SYNC: variants seen among roughly 807,000 people sequenced by gnomAD.
SYNC encodes syncoilin.
In SYNC, 38 loss-of-function variants were observed where a neutral mutation model predicts 49.5. The ratio of observed to expected loss-of-function variants is 0.77; its 90% CI spans 0.59 to 1.01. SYNC has a LOEUF of 1.01. Ranked by LOEUF, SYNC falls within the 50% of genes least tolerant of loss-of-function variation. The probability of loss-of-function intolerance (pLI) is 0.00; values close to 1 mark genes in which losing one functional copy is unlikely to be tolerated. For missense variants in SYNC, 579 were observed against 580.6 expected, an observed-to-expected ratio of 1.00 and a Z score of 0.03; for synonymous variants, 201 against 230.8, an observed-to-expected ratio of 0.87 and a Z score of 1.17.
chr1:32,703,337 C>T (rs1287314297), upstream of SYNC, among the ~76,000 whole-genome samples: 2 of 152,146 alleles, frequency 1.3e-5, no homozygotes, highest in Non-Finnish European at 2.9e-5. Context: ...GAGTTTACGC[C>T]TATCACATTG....
Position 32,699,764 on chromosome 1 carries a change from C to G in SYNC, c.53+2844G>C, listed in dbSNP as rs572050245. On this transcript the variant is annotated intron_variant, in intron 1 of 4. Transcript: ENST00000409190. ...TTTTTCTTTTTTTGAGCCAGAGTCT[C>G]GCTCTGTTGCCCAGGCTGGAGTGCA... 5.3e-4 allele frequency among the ~76,000 whole-genome samples: 79 copies of G among 148,592 alleles called. No individual in the cohort carries two copies. In the South Asian group the frequency reaches 8.3e-3, roughly 16 times the overall value.
Position 32,700,653 on chromosome 1 carries a change from C to T in SYNC, c.53+1955G>A, listed in dbSNP as rs575939205. Among the ~76,000 whole-genome samples the T allele has an allele frequency of 1.8e-4, 27 of 152,204 alleles. 1 individual carries two copies. Among genetic ancestry groups the T allele is most frequent in the Admixed American group, 1.4e-3 (22 of 15,282 alleles). ...CAGAGGTTGCAGTGAACTGAGATTG[C>T]GCCATTGCCCTCCAGCCTGAGCAAC... is the stretch of plus-strand genomic sequence containing the variant. On this transcript the variant is annotated intron_variant, in intron 1 of 4. Transcript: ENST00000409190.
chr1:32,690,186 C>G (rs142231590), intron 2 of SYNC, among the ~76,000 whole-genome samples: 3 of 152,044 alleles, frequency 2.0e-5, no homozygotes, highest in Non-Finnish European at 4.4e-5. Context: ...GAGAAAGATT[C>G]ATTTGATAGA....
At chr1:32,692,184 C>T (rs913758478) in intron 2 of SYNC, among the ~76,000 whole-genome samples, 4 of 151,394 alleles carry the variant, frequency 2.6e-5, no homozygotes, top group Admixed American at 6.6e-5. Context: ...GTGAGCTGAG[C>T]GCCACTGCAC....
In SYNC at chr1:32,694,867, T is replaced by C; in HGVS notation, c.1231A>G (p.Arg411Gly). Residue 411 changes from arginine to glycine, a missense_variant and splice_region_variant, in exon 2 of 5, where the codon AGG (arginine) becomes GGG (glycine). Arg to Gly is a moderately radical substitution (Grantham distance 125). Coordinates refer to ENST00000409190, the MANE Select transcript of SYNC (RefSeq NM_030786.3). ...QKRDEEVQQY[R>G]EQLEEMEERQ... ...CTTTTCATGCCCAATGGGCCTACCCTGTACTGCTGCACCTCTTCATCTCGT... is the reference window on the plus strand; with the variant it reads ...CTTTTCATGCCCAATGGGCCTACCCCGTACTGCTGCACCTCTTCATCTCGT... 1 of 1,600,798 alleles carries C rather than the reference T, an allele frequency of 6.2e-7. No individual in the cohort carries two copies. Among genetic ancestry groups the C allele is most frequent in the South Asian group, 1.1e-5 (1 of 89,042 alleles).
At chr1:32,688,092 C>G (rs1287383687) in intron 2 of SYNC, among the ~76,000 whole-genome samples, 1 of 151,940 alleles carries the variant, frequency 6.6e-6, no homozygotes, top group African/African-American at 2.4e-5. Context: ...GCCTCGGCCT[C>G]CCAAAGTGCT....
intron 2 of SYNC, among the ~76,000 whole-genome samples, chr1:32,689,016 G>A (rs562333456): frequency 1.6e-4 from 24 of 151,516 alleles, no homozygotes; most frequent in Admixed American, 4.6e-4. Flanking sequence ...TCGGCTCACT[G>A]CAACCTCTGC....
In SYNC at chr1:32,679,999, A is replaced by G. The variant is rs982671584; in HGVS notation, c.*1851T>C. 94 of 1,160,830 alleles carry G rather than the reference A, an allele frequency of 8.1e-5. No homozygotes were observed. The highest frequency in any genetic ancestry group is 1.6e-4 in the East Asian group (3 of 19,062). The allele number at this position is 1,160,830 out of a possible 1,614,324, so 71.9% of individuals were successfully genotyped here. ...GTGTGATTATTTTTCTTCTTATGCT[A>G]TATCCCCAAGTTTTTCAGACTCATT... On this transcript the variant is annotated 3_prime_UTR_variant, in exon 5 of 5. Transcript: ENST00000409190.
chr1:32,692,826 G>A (rs1650227753), intron 2 of SYNC, among the ~76,000 whole-genome samples: 2 of 151,992 alleles, frequency 1.3e-5, no homozygotes, highest in Middle Eastern at 3.4e-3. Context: ...GCAACATGGT[G>A]AAACCCCATC....
chr1:32,680,370 T>C lies in SYNC; in HGVS notation c.*1480A>G. ...TTTTTGTTGTTGGTTTTTTTTTTTT[T>C]TTTTTTAACTTGGGACCACCAAGTT... On this transcript the variant is annotated 3_prime_UTR_variant, in exon 5 of 5. Transcript: ENST00000409190. 1 of 1,132,586 alleles carries C rather than the reference T, an allele frequency of 8.8e-7. No individual in the cohort carries two copies. The highest frequency in any genetic ancestry group is 1.1e-6 in the Non-Finnish European group (1 of 918,992). The allele number at this position is 1,132,586 out of a possible 1,614,324, so 70.2% of individuals were successfully genotyped here. A position where few individuals can be genotyped will look rare whatever the true frequency, so the allele number is the denominator to read the frequency against.
intron 2 of SYNC, chr1:32,685,014 T>C (rs1374081316): frequency 6.8e-6 from 1 of 148,064 alleles, no homozygotes. Context: ...CTGCATCCTT[T>C]TTTCTTCTTT....
rs1650659573 is a variant in SYNC, at chr1:32,701,283, T to A, written c.53+1325A>T. On this transcript the variant is annotated intron_variant, in intron 1 of 4. Coordinates refer to ENST00000409190, the MANE Select transcript of SYNC (RefSeq NM_030786.3). ...CAAGCCCTGCTCAAACTTCATCTCT[T>A]CCGTAAAGTATCTCCCAGACAGCCC... is the stretch of plus-strand genomic sequence containing the variant. 2.0e-5 allele frequency among the ~76,000 whole-genome samples: 3 copies of A among 152,100 alleles called. No individual in the cohort carries two copies. The South Asian group carries it at 6.2e-4, about 32-fold the overall frequency.
intron 1 of SYNC, among the ~76,000 whole-genome samples, chr1:32,701,913 G>T (rs572416506): frequency 6.6e-6 from 1 of 152,210 alleles, no homozygotes; most frequent in Admixed American, 6.5e-5. Context: ...GTGTGTGTGT[G>T]TAAGACCGCT....
At chr1:32,684,503 G>T in intron 2 of SYNC, 121 bp from the exon 3 acceptor site, 1 of 1,381,132 alleles carries the variant, frequency 7.2e-7, no homozygotes, top group South Asian at 1.4e-5. Context: ...ATTGAGGCTG[G>T]TATTTATATG....
At chr1:32,682,265 A>G in intron 4 of SYNC, 1 of 178,866 alleles carries the variant, frequency 5.6e-6, no homozygotes. Flanking sequence ...AGTATAAGAA[A>G]ATCCTCAAGG....
At chr1:32,689,939 C>A (rs1176385482) in intron 2 of SYNC, among the ~76,000 whole-genome samples, 1,070 of 100,298 alleles carry the variant, frequency 0.011, no homozygotes, top group African/African-American at 0.025. Flanking sequence ...GACACCGTCA[C>A]AAAAAAAAAA....
intron 2 of SYNC, among the ~76,000 whole-genome samples, chr1:32,691,023 C>G (rs1004618623): frequency 3.3e-5 from 5 of 152,132 alleles, no homozygotes; most frequent in African/African-American, 1.2e-4. Context: ...TCAAGACCAT[C>G]CTGGCTAACA....
chr1:32,690,813 G>A (rs751201964), intron 2 of SYNC, among the ~76,000 whole-genome samples: 9 of 151,796 alleles, frequency 5.9e-5, no homozygotes, highest in African/African-American at 1.2e-4. Flanking sequence ...AGGGCCGGGC[G>A]TGGTGACTCA....
At chr1:32,683,847 G>A in intron 4 of SYNC, 163 bp downstream of exon 4, 1 of 634,528 alleles carries the variant, frequency 1.6e-6, no homozygotes, top group East Asian at 2.8e-5. Flanking sequence ...TGGCCAGGCT[G>A]GTCTTGAACT....
Sources: allele counts gnomAD v4.1 joint callset (sites outside exome capture counted in the v4.1 genomes callset), GRCh38; gene constraint gnomAD v4.1.1; transcripts MANE v1.5; gene names NCBI Gene and HGNC (gene_info 2026-07-23, HGNC 2026-07-21).